Variants in PRKCE observed in about 807,000 individuals in gnomAD.
PRKCE encodes protein kinase C epsilon.
PRKCE carries 16 observed loss-of-function variants against 85.4 expected under a neutral mutation model. That is an observed-to-expected ratio of 0.19 (90% CI 0.13 to 0.28). The LOEUF (loss-of-function observed/expected upper bound fraction) is 0.28. PRKCE is among the 10% of genes least tolerant of loss of function. PRKCE has a pLI of 1.00. For synonymous variants in PRKCE, 388 were observed against 371.5 expected, an observed-to-expected ratio of 1.04 and a Z score of -0.51; for missense variants, 573 against 975.2, an observed-to-expected ratio of 0.59 and a Z score of 5.49.
chr2:46,117,482 A>G (rs147276490), intron 11 of PRKCE, among the ~76,000 whole-genome samples: 6 of 152,334 alleles, frequency 3.9e-5, no homozygotes, highest in African/African-American at 1.2e-4. Context: ...TTAATTCTAC[A>G]TGAGGTCCAG....
intron 1 of PRKCE, among the ~76,000 whole-genome samples, chr2:45,687,862 C>G (rs1174991680): frequency 1.3e-5 from 2 of 152,168 alleles, no homozygotes; most frequent in African/African-American, 4.8e-5. Context: ...AGAGACAGCC[C>G]AGGTATTAGG....
At chr2:45,998,327 C>T (rs1279188211) in intron 6 of PRKCE, among the ~76,000 whole-genome samples, 1 of 152,132 alleles carries the variant, frequency 6.6e-6, no homozygotes, top group Non-Finnish European at 1.5e-5. Context: ...CTTGTAGTAC[C>T]ATCAGTTTTT....
At chr2:45,724,072 C>T (rs1573073436) in intron 1 of PRKCE, among the ~76,000 whole-genome samples, 2 of 152,318 alleles carry the variant, frequency 1.3e-5, no homozygotes, top group Middle Eastern at 3.4e-3. Flanking sequence ...TTGCTATATG[C>T]AGGCACACCT....
chr2:45,934,664 T>G (rs1198584784), intron 2 of PRKCE, among the ~76,000 whole-genome samples: 1 of 150,970 alleles, frequency 6.6e-6, no homozygotes, highest in African/African-American at 2.4e-5. Flanking sequence ...AAAAAAAAAT[T>G]ACTGCTAAAT....
At chr2:45,748,363 C>G (rs148557131) in intron 1 of PRKCE, among the ~76,000 whole-genome samples, 1 of 152,342 alleles carries the variant, frequency 6.6e-6, no homozygotes, top group East Asian at 1.9e-4. Context: ...GTCAAGCCTG[C>G]CTGACTCCCC....
chr2:46,157,867 G>T (rs374863452), intron 13 of PRKCE, among the ~76,000 whole-genome samples: 1 of 152,246 alleles, frequency 6.6e-6, no homozygotes, highest in African/African-American at 2.4e-5. Context: ...GGATTTCCAT[G>T]ACTCTAGCCA....
chr2:45,730,974 G>A (rs1255883122), intron 1 of PRKCE, among the ~76,000 whole-genome samples: 1 of 152,206 alleles, frequency 6.6e-6, no homozygotes, highest in Non-Finnish European at 1.5e-5. Context: ...AGGAAAATCT[G>A]ACTGGTGTGG....
In PRKCE at chr2:45,718,545, T is replaced by C. The variant is rs189231316; in HGVS notation, c.348+66097T>C. Among the ~76,000 whole-genome samples, 20 of 152,170 alleles carry C rather than the reference T, an allele frequency of 1.3e-4. No individual in the cohort carries two copies. The East Asian group carries it at 3.7e-3, about 28-fold the overall frequency. On this transcript the variant is annotated intron_variant, in intron 1 of 14. Transcript: ENST00000306156. ...TTTTTGTAGAGATGGAGTCTCACCA[T>C]GTTGGCCAGGATGGTCTTGATCTCC...
intron 2 of PRKCE, among the ~76,000 whole-genome samples, chr2:45,863,409 CAA>C (rs1299189796): frequency 6.6e-6 from 1 of 152,072 alleles, no homozygotes; most frequent in Non-Finnish European, 1.5e-5. Context: ...ATAGCACTTG[CAA>C]AGTCCCAAAG....
At position 45,892,865 on chromosome 2, in the gene PRKCE, C is replaced by T. The variant is rs571455406; in HGVS notation, c.412+49802C>T. Among the ~76,000 whole-genome samples, 12 of 152,244 alleles carry T rather than the reference C, an allele frequency of 7.9e-5. No individual in the cohort carries two copies. In the South Asian group the frequency reaches 1.0e-3, roughly 13 times the overall value. On this transcript the variant is annotated intron_variant, in intron 2 of 14. Transcript: ENST00000306156. ...TGTACCCTTCTGTTTGCAGAAAGAG[C>T]GACCAGAAATGTGCAGCAGTCAGTA...
intron 12 of PRKCE, among the ~76,000 whole-genome samples, chr2:46,147,839 CCA>C (rs1478583317): frequency 6.6e-6 from 1 of 152,154 alleles, no homozygotes; most frequent in Non-Finnish European, 1.5e-5. Flanking sequence ...CCAGATTTGA[CCA>C]CAAATGTACA....
rs397984467 is a variant in PRKCE at position 46,023,089 on chromosome 2, C to CAAAAAA, written c.1437+12588_1437+12593dup. Reference sequence around the variant, plus strand: ...TGGGCGACAGAGCGAGACTCCGTCTCAAAAAAAAAAAAAAAAAAAAATCAT... The same window carrying CAAAAAA: ...TGGGCGACAGAGCGAGACTCCGTCTCAAAAAAAAAAAAAAAAAAAAAAAAAAATCAT... On this transcript the variant is annotated intron_variant, in intron 10 of 14. Transcript: ENST00000306156. Among the ~76,000 whole-genome samples, 146 of 71,502 alleles carry CAAAAAA rather than the reference C, an allele frequency of 2.0e-3. 19 individuals carry two copies. Among genetic ancestry groups the CAAAAAA allele is most frequent in the African/African-American group, 8.2e-3 (134 of 16,390 alleles). The allele number at this position is 71,502 out of a possible 152,430, so 46.9% of individuals were successfully genotyped here. A position where few individuals can be genotyped will look rare whatever the true frequency, so the allele number is the denominator to read the frequency against.
intron 1 of PRKCE, among the ~76,000 whole-genome samples, chr2:45,707,534 G>A (rs758210304): frequency 4.6e-5 from 7 of 152,230 alleles, no homozygotes; most frequent in Non-Finnish European, 8.8e-5. Context: ...AGGTCACAAA[G>A]CAGACTCGAA....
At chr2:45,995,897 A>G (rs181884607) in intron 6 of PRKCE, among the ~76,000 whole-genome samples, 7 of 152,334 alleles carry the variant, frequency 4.6e-5, no homozygotes, top group Non-Finnish European at 8.8e-5. Context: ...GTCGATATCC[A>G]TAAATAACTT....
At position 46,084,811 on chromosome 2, in the gene PRKCE, T is replaced by G. The variant is rs569753621; in HGVS notation, c.1438-1397T>G. 5.9e-5 allele frequency among the ~76,000 whole-genome samples: 9 copies of G among 151,962 alleles called. 1 individual carries two copies. The East Asian group carries it at 1.8e-3, about 30-fold the overall frequency. On this transcript the variant is annotated intron_variant, in intron 10 of 14. Transcript: ENST00000306156. ...CGCTAACCTTCCTCTACAACTGATCTGGTCAGTTTACTGGCCCCTAAACTT... is the reference window on the plus strand; with the variant it reads ...CGCTAACCTTCCTCTACAACTGATCGGGTCAGTTTACTGGCCCCTAAACTT...
At chr2:45,708,951 A>G (rs1382408294) in intron 1 of PRKCE, among the ~76,000 whole-genome samples, 2 of 152,214 alleles carry the variant, frequency 1.3e-5, no homozygotes, top group African/African-American at 4.8e-5. Flanking sequence ...GGATAGTAGC[A>G]CACAGTTTCA....
intron 1 of PRKCE, among the ~76,000 whole-genome samples, chr2:45,666,689 C>G (rs1393437414): frequency 6.6e-6 from 1 of 151,970 alleles, no homozygotes; most frequent in African/African-American, 2.4e-5. Flanking sequence ...TTTGTGCCCT[C>G]CGTTTAAAAT....
intron 1 of PRKCE, among the ~76,000 whole-genome samples, chr2:45,764,325 C>T (rs182446765): frequency 9.4e-4 from 143 of 152,250 alleles, no homozygotes; most frequent in African/African-American, 3.3e-3. Context: ...AATTCAAACA[C>T]GTGGTTTAAG....
chr2:46,030,424 C>T (rs568757049), intron 10 of PRKCE, among the ~76,000 whole-genome samples: 12 of 152,248 alleles, frequency 7.9e-5, no homozygotes, highest in Admixed American at 2.6e-4. Context: ...AGTAGTGGGG[C>T]GGTCCCAAAT....
Sources: gnomAD v4.1 joint callset for allele counts (sites outside exome capture counted in the v4.1 genomes callset) on GRCh38, gnomAD v4.1.1 for gene constraint, MANE v1.5 for transcripts, NCBI Gene and HGNC (gene_info 2026-07-23, HGNC 2026-07-21) for gene names.